The following CNTNAP5 variants were observed in gnomAD, a reference collection of about 807,000 sequenced individuals.
CNTNAP5 encodes contactin associated protein family member 5.
In CNTNAP5, 72 loss-of-function variants were observed where a neutral mutation model predicts 150.2. The ratio of observed to expected loss-of-function variants is 0.48; its 90% CI spans 0.40 to 0.58. CNTNAP5 has a LOEUF of 0.58. Among genes scored for constraint, CNTNAP5 ranks in the 20% least tolerant of loss-of-function variants. The pLI, the probability that CNTNAP5 is intolerant of heterozygous loss-of-function variation, is 0.00. For missense variants in CNTNAP5, 1,636 were observed against 1,626.2 expected, an observed-to-expected ratio of 1.01 and a Z score of -0.10; for synonymous variants, 672 against 619.8, an observed-to-expected ratio of 1.08 and a Z score of -1.25.
At position 124,258,371 on chromosome 2, in the gene CNTNAP5, C is replaced by T. The variant is rs1285027733; in HGVS notation, c.381+15978C>T. ...AAAACAGTAATTGTTGGATTGATGACGCTGCTGAGGAAAGAGGACTCATTA... is the reference window on the plus strand; with the variant it reads ...AAAACAGTAATTGTTGGATTGATGATGCTGCTGAGGAAAGAGGACTCATTA... On this transcript the variant is annotated intron_variant, in intron 3 of 23. Transcript: ENST00000682447. Among the ~76,000 whole-genome samples, 17 of 152,058 alleles carry T rather than the reference C, an allele frequency of 1.1e-4. No homozygotes were observed. The East Asian group carries it at 1.2e-3, about 10-fold the overall frequency.
intron 1 of CNTNAP5, among the ~76,000 whole-genome samples, chr2:124,113,817 G>A (rs1308085220): frequency 6.6e-6 from 1 of 151,748 alleles, no homozygotes; most frequent in South Asian, 2.1e-4. Context: ...TGTGGATTAT[G>A]TGGAGTAAGG....
At chr2:124,098,071 C>T (rs572310935) in intron 1 of CNTNAP5, among the ~76,000 whole-genome samples, 50 of 152,198 alleles carry the variant, frequency 3.3e-4, no homozygotes, top group African/African-American at 1.1e-3. Flanking sequence ...AAGCCTTTGA[C>T]TCCCGAAAAA....
chr2:124,680,869 T>A (rs1679051878), intron 13 of CNTNAP5: 1 of 151,762 alleles, frequency 6.6e-6, no homozygotes, highest in African/African-American at 2.4e-5. Flanking sequence ...TAGTAATAGT[T>A]GGTAAGATTA....
chr2:124,386,068 C>T (rs1020176890), intron 3 of CNTNAP5, among the ~76,000 whole-genome samples: 1 of 152,136 alleles, frequency 6.6e-6, no homozygotes, highest in Non-Finnish European at 1.5e-5. Flanking sequence ...GATGTACAGT[C>T]AGTTAACCTT....
intron 6 of CNTNAP5, among the ~76,000 whole-genome samples, chr2:124,461,611 G>C: frequency 6.6e-6 from 1 of 151,392 alleles, no homozygotes; most frequent in East Asian, 1.9e-4. Flanking sequence ...ACACCAGCAT[G>C]GCACATGTAT....
At chr2:124,069,958 C>A (rs1427508348) in intron 1 of CNTNAP5, among the ~76,000 whole-genome samples, 1 of 151,922 alleles carries the variant, frequency 6.6e-6, no homozygotes, top group East Asian at 1.9e-4. Context: ...ATGAACCAAT[C>A]AAAAATACTA....
chr2:124,214,978 G>A (rs759918498), intron 1 of CNTNAP5, among the ~76,000 whole-genome samples: 16 of 152,128 alleles, frequency 1.1e-4, no homozygotes, highest in Admixed American at 2.0e-4. Flanking sequence ...GGGTTTCATC[G>A]TGAAGAATGG....
intron 3 of CNTNAP5, among the ~76,000 whole-genome samples, chr2:124,307,368 G>A (rs919506): frequency 0.53 from 80,140 of 151,816 alleles, 21,481 homozygotes; most frequent in Non-Finnish European, 0.58. Context: ...CCATCTCCAA[G>A]TACCATTACA....
chr2:124,191,998 A>G (rs757054795), intron 1 of CNTNAP5, among the ~76,000 whole-genome samples: 1 of 152,136 alleles, frequency 6.6e-6, no homozygotes, highest in African/African-American at 2.4e-5. Context: ...AGTTTGAGAC[A>G]TTCCTGGAAT....
At chr2:124,791,770 T>C (rs1681739691) in intron 18 of CNTNAP5, among the ~76,000 whole-genome samples, 1 of 151,716 alleles carries the variant, frequency 6.6e-6, no homozygotes, top group Non-Finnish European at 1.5e-5. Flanking sequence ...CCCTGTATCT[T>C]TTCCCTGCAT....
intron 17 of CNTNAP5, among the ~76,000 whole-genome samples, chr2:124,786,447 GAAAGAAAGAAAGAAAGA>G (rs1244095376): frequency 1.1e-3 from 105 of 99,886 alleles, no homozygotes; most frequent in African/African-American, 4.1e-3. Context: ...AGGAAGGAAG[GAAAGAAAGAAAGAAAGA>G]AAGGAAGGAA....
At chr2:124,312,640 G>A (rs1361454683) in intron 3 of CNTNAP5, among the ~76,000 whole-genome samples, 1 of 152,086 alleles carries the variant, frequency 6.6e-6, no homozygotes, top group Non-Finnish European at 1.5e-5. Flanking sequence ...GCACTACCTC[G>A]GCTCACTGCA....
intron 12 of CNTNAP5, among the ~76,000 whole-genome samples, chr2:124,625,317 T>C (rs1438212055): frequency 1.3e-5 from 2 of 152,202 alleles, no homozygotes; most frequent in Non-Finnish European, 2.9e-5. Flanking sequence ...ATGGAAATTA[T>C]ATAAAGCAGA....
At chr2:124,825,546 G>C (rs185811266) in intron 19 of CNTNAP5, among the ~76,000 whole-genome samples, 1 of 152,306 alleles carries the variant, frequency 6.6e-6, no homozygotes, top group East Asian at 1.9e-4. Context: ...GCAGGAAGCA[G>C]AATCTTCAGG....
chr2:124,314,041 C>T (rs560940946), intron 3 of CNTNAP5, among the ~76,000 whole-genome samples: 3 of 152,270 alleles, frequency 2.0e-5, no homozygotes, highest in East Asian at 1.9e-4. Context: ...GTTGGCCCAA[C>T]GGGTCTTTTC....
intron 3 of CNTNAP5, among the ~76,000 whole-genome samples, chr2:124,252,590 C>T (rs1414605931): frequency 6.6e-6 from 1 of 152,104 alleles, no homozygotes; most frequent in Non-Finnish European, 1.5e-5. Flanking sequence ...TCATACACTC[C>T]CCCCTCATTC....
At position 124,674,757 on chromosome 2, in the gene CNTNAP5, G is replaced by A. The variant is rs13432419; in HGVS notation, c.2077+26799G>A. 1.6e-3 allele frequency among the ~76,000 whole-genome samples: 247 copies of A among 151,902 alleles called. 1 individual carries two copies. Among genetic ancestry groups the A allele is most frequent in the African/African-American group, 5.8e-3 (241 of 41,478 alleles). ...TTTTTGACCAATTGGTTATTTGGAA[G>A]TGTACTGTTAAATTTCCACTTATTT... On this transcript the variant is annotated intron_variant, in intron 13 of 23. Transcript: ENST00000682447.
intron 16 of CNTNAP5, among the ~76,000 whole-genome samples, chr2:124,769,210 T>C (rs952167365): frequency 6.6e-6 from 1 of 152,140 alleles, no homozygotes; most frequent in South Asian, 2.1e-4. Flanking sequence ...AAGAACATCA[T>C]GCAGGAGTCT....
At chr2:124,524,567 AAC>A (rs1281942091) in intron 9 of CNTNAP5, 115 bp downstream of exon 9, 508 of 942,952 alleles carry the variant, frequency 5.4e-4, no homozygotes, top group Non-Finnish European at 6.1e-4. Context: ...CCAACACACA[AAC>A]ACACACACAC....
Sources: gnomAD v4.1 joint callset for allele counts (sites outside exome capture counted in the v4.1 genomes callset) on GRCh38, gnomAD v4.1.1 for gene constraint, MANE v1.5 for transcripts, NCBI Gene and HGNC (gene_info 2026-07-23, HGNC 2026-07-21) for gene names.